The following PARVB variants were observed in gnomAD, a reference collection of about 807,000 sequenced individuals.
PARVB encodes parvin beta, also known as beta-parvin.
Under a neutral mutation model 47.0 loss-of-function variants are expected in PARVB, and 46 were observed. The observed-to-expected ratio is 0.98, with a 90% confidence interval of 0.77 to 1.25. The LOEUF is 1.25. Ranked by LOEUF, PARVB falls within the 50% of genes most tolerant of loss-of-function variation. The pLI, the probability that PARVB is intolerant of heterozygous loss-of-function variation, is 0.00. For synonymous variants in PARVB, 196 were observed against 196.3 expected, an observed-to-expected ratio of 1.00 and a Z score of 0.01; for missense variants, 473 against 471.6, an observed-to-expected ratio of 1.00 and a Z score of -0.03.
chr22:44,094,406 C>CG (rs2147047989), intron 2 of PARVB, among the ~76,000 whole-genome samples: 1 of 152,208 alleles, frequency 6.6e-6, no homozygotes, highest in South Asian at 2.1e-4. Flanking sequence ...CACACCATAG[C>CG]ACACCATGCC....
chr22:44,101,713 A>T (rs529821998), intron 3 of PARVB, among the ~76,000 whole-genome samples: 1 of 151,292 alleles, frequency 6.6e-6, no homozygotes, highest in African/African-American at 2.4e-5. Context: ...TCGCCACTGC[A>T]CTCCAGCCTG....
upstream of PARVB, among the ~76,000 whole-genome samples, chr22:44,022,729 T>TC (rs1335591893): frequency 6.8e-6 from 1 of 147,288 alleles, no homozygotes; most frequent in Non-Finnish European, 1.5e-5. Flanking sequence ...TCCTCCTACT[T>TC]CTTTTTTTTT....
At chr22:44,047,022 C>T (rs2051125755) in intron 1 of PARVB, among the ~76,000 whole-genome samples, 1 of 152,178 alleles carries the variant, frequency 6.6e-6, no homozygotes, top group Admixed American at 6.5e-5. Flanking sequence ...CCCCCACCGG[C>T]AGAGGTGAAG....
At chr22:44,071,720 A>T (rs970272458) in intron 1 of PARVB, among the ~76,000 whole-genome samples, 1 of 152,172 alleles carries the variant, frequency 6.6e-6, no homozygotes. Context: ...CTGATTAGTG[A>T]TGGGTGTTTA....
Position 44,103,447 on chromosome 22 carries a change from C to T in PARVB, c.273+3324C>T, listed in dbSNP as rs2052497135. 1 of 152,172 alleles carries T rather than the reference C, an allele frequency of 6.6e-6. No homozygotes were observed. The highest frequency in any genetic ancestry group is 2.4e-5 in the African/African-American group (1 of 41,436). The allele number at this position is 152,172 out of a possible 1,614,324, so 9.4% of individuals were successfully genotyped here. A position where few individuals can be genotyped will look rare whatever the true frequency, so the allele number is the denominator to read the frequency against. On this transcript the variant is annotated intron_variant, in intron 3 of 12. Transcript: ENST00000338758. This position sits in a 1 kb window ranked among gnomAD's most constrained non-coding sequence, Gnocchi z 4.6. ...CCTCCCTGTTGCTCGTCTAGGGTGC[C>T]CTCCCCTCACCCCCAAACCCCTGCC... is the stretch of plus-strand genomic sequence containing the variant.
intron 2 of PARVB, among the ~76,000 whole-genome samples, chr22:44,096,882 C>T (rs937007876): frequency 1.8e-4 from 27 of 152,158 alleles, no homozygotes; most frequent in Non-Finnish European, 3.7e-4. Flanking sequence ...CACTGCTTCT[C>T]CTCTGACTGA....
intron 3 of PARVB, chr22:44,115,774 A>G (rs866798384): frequency 8.4e-6 from 1 of 119,100 alleles, no homozygotes; most frequent in Non-Finnish European, 1.7e-5. Context: ...CAACACAGAT[A>G]CATTGTTAGT....
chr22:44,097,590 A>G (rs2267607), intron 2 of PARVB, among the ~76,000 whole-genome samples: 75,779 of 152,020 alleles, frequency 0.5, 19,483 homozygotes, highest in East Asian at 0.86. Context: ...GCCCCGTGAG[A>G]CGCAGCTGCT....
At position 44,136,487 on chromosome 22, in the gene PARVB, C is replaced by G. The variant is rs768393457; in HGVS notation, c.661C>G (p.His221Asp). The G allele has an allele frequency of 6.2e-7, 1 of 1,614,136 alleles. No individual in the cohort carries two copies. Among genetic ancestry groups the G allele is most frequent in the Admixed American group, 1.7e-5 (1 of 60,024 alleles). ...RKREGLLHSS[H>D]ISEELTTTTE... is the part of the protein sequence containing the mutation. ...ACGGGAAGGCCTGCTGCATTCCAGC[C>G]ACATCTCGGAGGAGCTGACCACAAC... The change falls in exon 7 of 13, where the codon CAC (histidine) becomes GAC (aspartate). Residue 221 changes from histidine to aspartate, a missense_variant. His to Asp is a moderately conservative substitution (Grantham distance 81). Coordinates refer to ENST00000338758, the MANE Select transcript of PARVB (RefSeq NM_013327.5).
intron 1 of PARVB, among the ~76,000 whole-genome samples, chr22:44,078,980 G>A (rs1045939934): frequency 5.3e-5 from 8 of 152,190 alleles, no homozygotes; most frequent in Non-Finnish European, 8.8e-5. Context: ...ACCCGCCTCG[G>A]CCTCCCAAAG....
chr22:44,050,079 C>T (rs1006941259), intron 1 of PARVB, among the ~76,000 whole-genome samples: 2 of 152,176 alleles, frequency 1.3e-5, no homozygotes, highest in Non-Finnish European at 2.9e-5. Flanking sequence ...GTTCTTCCTG[C>T]CTCAGATGAA....
Position 44,138,232 on chromosome 22 carries a change from A to G in PARVB, c.692+1714A>G, listed in dbSNP as rs368021027. On this transcript the variant is annotated intron_variant, in intron 7 of 12. Transcript: ENST00000338758. ...GATGAGAAAGGATGCATCCACAGAC[A>G]TGTACAGTCTAACACAGGGGCTTGT... 3.9e-4 allele frequency among the ~76,000 whole-genome samples: 59 copies of G among 152,292 alleles called. No individual in the cohort carries two copies. The South Asian group carries it at 0.01, about 27-fold the overall frequency.
intron 2 of PARVB, among the ~76,000 whole-genome samples, chr22:44,097,013 T>C (rs2147056079): frequency 6.6e-6 from 1 of 152,062 alleles, no homozygotes; most frequent in East Asian, 1.9e-4. Context: ...CTGTACCCAC[T>C]GTGGTGTCCC....
At chr22:44,056,387 C>T (rs1302322148) in intron 1 of PARVB, among the ~76,000 whole-genome samples, 1 of 152,232 alleles carries the variant, frequency 6.6e-6, no homozygotes, top group Non-Finnish European at 1.5e-5. Flanking sequence ...TGCAGCGTTG[C>T]CCGGGTTCGA....
chr22:44,075,080 C>T (rs2051738561), intron 1 of PARVB, among the ~76,000 whole-genome samples: 2 of 152,166 alleles, frequency 1.3e-5, no homozygotes. Context: ...CTCCAGATGC[C>T]ACTACGTACC....
chr22:44,136,616 C>A, intron 7 of PARVB, 98 bp downstream of exon 7: 2 of 936,412 alleles, frequency 2.1e-6, no homozygotes, highest in Non-Finnish European at 3.5e-6. Context: ...GCCCATGGGG[C>A]TGCTCCCGCT....
At position 44,055,853 on chromosome 22, in the gene PARVB, C is replaced by A. The variant is rs1047285992; in HGVS notation, c.112+31402C>A. Among the ~76,000 whole-genome samples the A allele has an allele frequency of 1.6e-4, 25 of 152,174 alleles. 1 individual carries two copies. Among genetic ancestry groups the A allele is most frequent in the African/African-American group, 5.3e-4 (22 of 41,456 alleles). On this transcript the variant is annotated intron_variant, in intron 1 of 12. Coordinates refer to ENST00000338758, the MANE Select transcript of PARVB (RefSeq NM_013327.5). ...GAATCCCCTTACCCTGCCTTTCGGT[C>A]TATTCAGGTGTCAAATGGATTGGCC...
intron 1 of PARVB, among the ~76,000 whole-genome samples, chr22:44,043,892 C>T (rs1407921010): frequency 6.6e-6 from 1 of 152,172 alleles, no homozygotes; most frequent in Non-Finnish European, 1.5e-5. Flanking sequence ...AGTCTTCCTC[C>T]TCCTCCTCAT....
intron 2 of PARVB, among the ~76,000 whole-genome samples, chr22:44,014,113 G>A (rs12484530): frequency 0.088 from 13,448 of 152,228 alleles, 1,021 homozygotes; most frequent in East Asian, 0.26. Flanking sequence ...GTTCCAGCAT[G>A]TATTGTTCAA....
Sources: gnomAD v4.1 joint callset for allele counts (sites outside exome capture counted in the v4.1 genomes callset) on GRCh38, gnomAD v4.1.1 for gene constraint, Gnocchi (gnomAD v3.1) non-coding constraint, MANE v1.5 for transcripts, NCBI Gene and HGNC (gene_info 2026-07-23, HGNC 2026-07-21) for gene names.